AGMO: variants seen among roughly 807,000 people sequenced by gnomAD.
AGMO encodes the protein alkylglycerol monooxygenase, also known as glyceryl-ether monooxygenase.
AGMO carries 75 observed loss-of-function variants against 60.2 expected under a neutral mutation model. That is an observed-to-expected ratio of 1.25 (90% CI 1.03 to 1.51). AGMO has a LOEUF of 1.51. AGMO is among the 40% of genes most tolerant of loss of function. The pLI, the probability that AGMO is intolerant of heterozygous loss-of-function variation, is 0.00. For missense variants in AGMO, 763 were observed against 525.5 expected (o/e 1.45, Z -4.42); for synonymous variants, 261 against 177.1 (o/e 1.47, Z -3.76).
At chr7:15,244,553 G>T (rs987199841) in intron 12 of AGMO, among the ~76,000 whole-genome samples, 1 of 152,096 alleles carries the variant, frequency 6.6e-6, no homozygotes, top group Non-Finnish European at 1.5e-5. Context: ...TAGAAATAAT[G>T]GTGTACTATA....
chr7:15,506,827 G>A (rs1454470015), intron 3 of AGMO, among the ~76,000 whole-genome samples: 2 of 151,840 alleles, frequency 1.3e-5, no homozygotes, highest in Non-Finnish European at 2.9e-5. Context: ...GAGAGAGACA[G>A]AGAGTCCCTA....
the AGMO span, among the ~76,000 whole-genome samples, chr7:15,173,802 T>C: frequency 6.8e-5 from 10 of 147,134 alleles, no homozygotes; most frequent in Admixed American, 5.5e-4. Flanking sequence ...TAAAGAAAGG[T>C]TTTTTTTTTG....
At chr7:15,539,309 C>G (rs1032331849) in intron 3 of AGMO, among the ~76,000 whole-genome samples, 1 of 152,070 alleles carries the variant, frequency 6.6e-6, no homozygotes, top group Admixed American at 6.6e-5. Context: ...CCGCCACCCT[C>G]GAGTTGGCTG....
chr7:15,164,820 G>T, the AGMO span, among the ~76,000 whole-genome samples: 1 of 152,060 alleles, frequency 6.6e-6, no homozygotes, highest in South Asian at 2.1e-4. Flanking sequence ...CAACCTCTAT[G>T]GAAAGCAGTA....
At chr7:15,470,491 T>G (rs959569435) in intron 3 of AGMO, among the ~76,000 whole-genome samples, 1 of 152,098 alleles carries the variant, frequency 6.6e-6, no homozygotes, top group Admixed American at 6.6e-5. Context: ...CAACTTCAAG[T>G]ATTCATAATT....
chr7:15,337,556 C>A lies in AGMO; in HGVS notation c.1263+27958G>T, dbSNP rs73298310. Among the ~76,000 whole-genome samples the A allele has an allele frequency of 8.5e-3, 1,297 of 152,208 alleles. 19 individuals are homozygous for A. The highest frequency in any genetic ancestry group is 0.029 in the African/African-American group (1,216 of 41,540). Reference sequence around the variant, plus strand: ...TTGGAGAAAAGGGCAGGTGGGAAAACTGATTAAATCTACCACTACAACACA... The same window carrying A: ...TTGGAGAAAAGGGCAGGTGGGAAAAATGATTAAATCTACCACTACAACACA... On this transcript the variant is annotated intron_variant, in intron 12 of 12. Transcript: ENST00000342526.
chr7:15,285,832 C>T (rs985598087), intron 12 of AGMO, among the ~76,000 whole-genome samples: 1 of 152,006 alleles, frequency 6.6e-6, no homozygotes, highest in African/African-American at 2.4e-5. Flanking sequence ...ACTACAAAGT[C>T]ATAACTACCA....
the AGMO span, among the ~76,000 whole-genome samples, chr7:15,155,523 C>A: frequency 7.7e-6 from 1 of 129,638 alleles, no homozygotes; most frequent in Non-Finnish European, 1.6e-5. Flanking sequence ...ATGGCTACAT[C>A]ATCTTTCAAC....
chr7:15,248,808 C>G (rs1415321905), intron 12 of AGMO, among the ~76,000 whole-genome samples: 1 of 152,164 alleles, frequency 6.6e-6, no homozygotes, highest in Non-Finnish European at 1.5e-5. Flanking sequence ...GAGCCAAGTG[C>G]AGAGTCATTA....
At chr7:15,242,045 CT>C in intron 12 of AGMO, among the ~76,000 whole-genome samples, 1 of 152,248 alleles carries the variant, frequency 6.6e-6, no homozygotes, top group South Asian at 2.1e-4. Context: ...GAGACATCCT[CT>C]TCTGTTACCA....
chr7:15,132,053 C>A, the AGMO span, among the ~76,000 whole-genome samples: 3 of 152,150 alleles, frequency 2.0e-5, no homozygotes, highest in African/African-American at 7.2e-5. Context: ...TACAGGCCAG[C>A]CTTCTGAGGC....
intron 12 of AGMO, among the ~76,000 whole-genome samples, chr7:15,335,746 A>T (rs1264224754): frequency 6.6e-6 from 1 of 152,122 alleles, no homozygotes; most frequent in African/African-American, 2.4e-5. Flanking sequence ...CAGTTTTCAC[A>T]TCTATAACTT....
intron 12 of AGMO, among the ~76,000 whole-genome samples, chr7:15,248,204 ATATATATATATATATATAT>A (rs1265279346): frequency 5.2e-5 from 5 of 95,264 alleles, no homozygotes; most frequent in Non-Finnish European, 8.7e-5. Flanking sequence ...ATATATATAT[ATATATATATATATATATAT>A]ATCTTCATCT....
chr7:15,132,805 G>A, the AGMO span, among the ~76,000 whole-genome samples: 1 of 152,102 alleles, frequency 6.6e-6, no homozygotes, highest in Non-Finnish European at 1.5e-5. Flanking sequence ...GTCAAGGAAG[G>A]TTTTTCCCTT....
chr7:15,473,183 C>T (rs1332201540), intron 3 of AGMO, among the ~76,000 whole-genome samples: 1 of 151,914 alleles, frequency 6.6e-6, no homozygotes, highest in Non-Finnish European at 1.5e-5. Context: ...ATACACCCTC[C>T]CAAGACTTAA....
chr7:15,516,417 A>G (rs1446953670), intron 3 of AGMO, among the ~76,000 whole-genome samples: 2 of 152,184 alleles, frequency 1.3e-5, no homozygotes, highest in Non-Finnish European at 2.9e-5. Flanking sequence ...CCAAGTCTCA[A>G]TTTTATTTAA....
At chr7:15,491,599 G>A (rs915891154) in intron 3 of AGMO, among the ~76,000 whole-genome samples, 8 of 152,110 alleles carry the variant, frequency 5.3e-5, no homozygotes, top group African/African-American at 1.9e-4. Context: ...AAATCACCAT[G>A]TCCTATGGCT....
intron 3 of AGMO, among the ~76,000 whole-genome samples, chr7:15,512,429 T>C (rs1371040954): frequency 6.6e-6 from 1 of 152,108 alleles, no homozygotes; most frequent in Non-Finnish European, 1.5e-5. Flanking sequence ...ATGTTTCTGT[T>C]TTTTGTTGAG....
chr7:15,494,401 T>C (rs1421659802), intron 3 of AGMO, among the ~76,000 whole-genome samples: 1 of 152,222 alleles, frequency 6.6e-6, no homozygotes, highest in Non-Finnish European at 1.5e-5. Flanking sequence ...TTAAAATTAA[T>C]GCACTCTAAA....
Sources: gnomAD v4.1 joint callset for allele counts (sites outside exome capture counted in the v4.1 genomes callset) on GRCh38, gnomAD v4.1.1 for gene constraint, MANE v1.5 for transcripts, NCBI Gene and HGNC (gene_info 2026-07-23, HGNC 2026-07-21) for gene names.